KLF15: variants seen among roughly 807,000 people sequenced by gnomAD.
The protein encoded by KLF15 is Krueppel-like factor 15.
KLF15 carries 4 observed loss-of-function variants against 24.6 expected under a neutral mutation model. The observed-to-expected ratio is 0.16, with a 90% CI of 0.08 to 0.37. KLF15 has a LOEUF of 0.37. KLF15 is among the 10% of genes least tolerant of loss of function. KLF15 has a pLI of 1.00. For missense variants in KLF15, 496 were observed against 560.6 expected (o/e 0.88, Z 1.16); for synonymous variants, 246 against 236.3 (o/e 1.04, Z -0.37).
the KLF15 span, among the ~76,000 whole-genome samples, chr3:126,308,124 A>G: frequency 1.3e-5 from 2 of 152,234 alleles, no homozygotes; most frequent in East Asian, 3.9e-4. Flanking sequence ...CAGGGTATTG[A>G]TCTCCCTGAA....
chr3:126,355,956 G>C (rs2082627406), intron 1 of KLF15, among the ~76,000 whole-genome samples: 2 of 152,352 alleles, frequency 1.3e-5, no homozygotes, highest in Middle Eastern at 3.4e-3. Flanking sequence ...GGCGGCCAGA[G>C]GCGCAGGCTG....
rs191183956 is a variant in KLF15 at position 126,356,959 on chromosome 3, C to T, written c.-26+278G>A. ...TATGGGAGGGCCGGCCCGCAAGGCGCGCCACGGAATCGCCCGGCCAGGCAC... is the reference window on the plus strand; with the variant it reads ...TATGGGAGGGCCGGCCCGCAAGGCGTGCCACGGAATCGCCCGGCCAGGCAC... On this transcript the variant is annotated intron_variant, in intron 1 of 2. Transcript: ENST00000296233. The surrounding 1 kb of genome is among the most constrained non-coding windows in gnomAD (Gnocchi z 4.4). 0.018 allele frequency among the ~76,000 whole-genome samples: 2,783 copies of T among 151,984 alleles called. 87 individuals carry two copies. Among genetic ancestry groups the T allele is most frequent in the African/African-American group, 0.063 (2,612 of 41,462 alleles).
chr3:126,357,002 C>A (rs569032641), intron 1 of KLF15, among the ~76,000 whole-genome samples: 1,711 of 151,802 alleles, frequency 0.011, 11 homozygotes, highest in Non-Finnish European at 0.019. Flanking sequence ...GCGGCGCGGG[C>A]CTCAGCAAAG....
chr3:126,338,942 A>C (rs1276476091), downstream of KLF15, among the ~76,000 whole-genome samples: 2 of 152,216 alleles, frequency 1.3e-5, no homozygotes, highest in Non-Finnish European at 2.9e-5. Context: ...TGGAAACAGC[A>C]GGGAACGTCC....
At chr3:126,338,954 G>A (rs7623133), downstream of KLF15, among the ~76,000 whole-genome samples, 4 of 152,072 alleles carry the variant, frequency 2.6e-5, no homozygotes, top group Non-Finnish European at 5.9e-5. Flanking sequence ...GGAACGTCCC[G>A]GCTGGGTTCT....
the KLF15 span, among the ~76,000 whole-genome samples, chr3:126,307,885 T>C: frequency 6.6e-6 from 1 of 152,082 alleles, no homozygotes; most frequent in Non-Finnish European, 1.5e-5. Context: ...CCACCCGAAC[T>C]CCAGACCCTG....
the KLF15 span, among the ~76,000 whole-genome samples, chr3:126,318,080 G>A: frequency 6.6e-6 from 1 of 152,022 alleles, no homozygotes; most frequent in African/African-American, 2.4e-5. Context: ...TCCTCTTCCT[G>A]GACGCCTCCA....
At chr3:126,302,858 C>T in the KLF15 span, among the ~76,000 whole-genome samples, 3 of 152,086 alleles carry the variant, frequency 2.0e-5, no homozygotes, top group Non-Finnish European at 4.4e-5. Context: ...CTGGAAATCT[C>T]TGTCTTTTAT....
the KLF15 span, among the ~76,000 whole-genome samples, chr3:126,303,894 C>A: frequency 6.6e-6 from 1 of 151,910 alleles, no homozygotes; most frequent in Non-Finnish European, 1.5e-5. Context: ...TTTTCTGCAA[C>A]GTGTAATTTG....
the KLF15 span, among the ~76,000 whole-genome samples, chr3:126,320,256 A>G: frequency 7.9e-5 from 12 of 152,286 alleles, no homozygotes; most frequent in African/African-American, 2.4e-4. Context: ...CAGGGCCTCA[A>G]TTTTTCAAAA....
chr3:126,312,618 C>A, the KLF15 span, among the ~76,000 whole-genome samples: 12 of 152,246 alleles, frequency 7.9e-5, no homozygotes, highest in African/African-American at 1.4e-4. Flanking sequence ...AAGAACCCTC[C>A]TGCTTCATCC....
chr3:126,307,233 T>G, the KLF15 span, among the ~76,000 whole-genome samples: 3 of 152,176 alleles, frequency 2.0e-5, no homozygotes, highest in Non-Finnish European at 4.4e-5. Context: ...CCCAAAGGAC[T>G]TGACCACCCA....
the KLF15 span, among the ~76,000 whole-genome samples, chr3:126,321,200 G>A: frequency 1.6e-4 from 25 of 152,296 alleles, no homozygotes; most frequent in African/African-American, 5.1e-4. Context: ...CCCTGGAGAC[G>A]GCAGAACCAA....
the KLF15 span, among the ~76,000 whole-genome samples, chr3:126,303,036 T>C: frequency 6.6e-6 from 1 of 152,162 alleles, no homozygotes; most frequent in Non-Finnish European, 1.5e-5. Context: ...TCTATAACTG[T>C]TATTTTAATG....
the KLF15 span, among the ~76,000 whole-genome samples, chr3:126,290,510 T>TCCTTCCTC: frequency 6.8e-3 from 923 of 134,930 alleles, 13 homozygotes; most frequent in African/African-American, 0.025. Context: ...CTTCCTACCT[T>TCCTTCCTC]CCTTCCTTCC....
At position 126,342,761 on chromosome 3, in the gene KLF15, T is replaced by C. The variant is rs2082489069; in HGVS notation, c.*966A>G. 6.6e-6 allele frequency: 1 copy of C among 152,576 alleles called. No individual in the cohort carries two copies. Among genetic ancestry groups the C allele is most frequent in the South Asian group, 2.1e-4 (1 of 4,830 alleles). 9.5% of individuals were successfully genotyped at this position (152,576 alleles called of 1,614,324 possible). On this transcript the variant is annotated 3_prime_UTR_variant, in exon 3 of 3. Coordinates refer to ENST00000296233, the MANE Select transcript of KLF15 (RefSeq NM_014079.4). ...TTTTTAAATTTCAAATTTACACAAA[T>C]GTTGATATGTTATTAAAAGATATTT...
At chr3:126,300,950 G>C in the KLF15 span, among the ~76,000 whole-genome samples, 1 of 152,206 alleles carries the variant, frequency 6.6e-6, no homozygotes, top group African/African-American at 2.4e-5. Flanking sequence ...ACATCACTGG[G>C]TGCGAAAGGA....
downstream of KLF15, chr3:126,342,513 T>C (rs1188747354): frequency 1.3e-5 from 2 of 152,410 alleles, no homozygotes; most frequent in Non-Finnish European, 2.9e-5. Context: ...AAGGGGCCTT[T>C]CTATCCCTCC....
intron 1 of KLF15, among the ~76,000 whole-genome samples, chr3:126,355,341 G>A (rs186365366): frequency 9.8e-5 from 15 of 152,318 alleles, no homozygotes; most frequent in African/African-American, 3.4e-4. Flanking sequence ...CTATCTCCTC[G>A]CAGCAGCCCA....
Sources: gnomAD v4.1 joint callset for allele counts (sites outside exome capture counted in the v4.1 genomes callset) on GRCh38, gnomAD v4.1.1 for gene constraint, Gnocchi (gnomAD v3.1) non-coding constraint, MANE v1.5 for transcripts, NCBI Gene and HGNC (gene_info 2026-07-23, HGNC 2026-07-21) for gene names.